The following ZNF804A variants were observed in gnomAD, a reference collection of about 807,000 sequenced individuals.
The protein encoded by ZNF804A is zinc finger protein 804A.
A neutral mutation model predicts 16.5 loss-of-function variants in ZNF804A; 2 were observed. That is an observed-to-expected ratio of 0.12 (90% CI 0.05 to 0.38). ZNF804A has a LOEUF of 0.38. ZNF804A is among the 10% of genes least tolerant of loss of function. ZNF804A has a pLI of 0.99. For synonymous variants in ZNF804A, 534 were observed against 489.6 expected, an observed-to-expected ratio of 1.09 and a Z score of -1.20; for missense variants, 1,473 against 1,390.7, an observed-to-expected ratio of 1.06 and a Z score of -0.94.
chr2:184,688,322 T>G (rs1692671745), intron 1 of ZNF804A, among the ~76,000 whole-genome samples: 1 of 148,038 alleles, frequency 6.8e-6, no homozygotes, highest in South Asian at 2.1e-4. Context: ...AGAAATCTTT[T>G]TCTTTCTCTC....
chr2:184,937,105 A>G lies in ZNF804A; in HGVS notation c.1709A>G (p.Gln570Arg). ...KYNFTKSQIK[Q>R]DTLDEKYNKI... ...AATTTTACTAAAAGTCAAATAAAAC[A>G]GGACACTCTAGATGAAAAATACAAC... The change falls in exon 4 of 4, where the codon CAG becomes CGG. Residue 570 changes from glutamine (Q) to arginine (R), a missense_variant. Gln to Arg is a conservative substitution (Grantham distance 43). Coordinates refer to ENST00000302277, the MANE Select transcript of ZNF804A (RefSeq NM_194250.2). 5 of 1,605,260 alleles carry G rather than the reference A, an allele frequency of 3.1e-6. No homozygotes were observed. The highest frequency in any genetic ancestry group is 4.2e-6 in the Non-Finnish European group (5 of 1,177,756).
At chr2:184,679,529 G>A (rs1012955952) in intron 1 of ZNF804A, among the ~76,000 whole-genome samples, 28 of 152,270 alleles carry the variant, frequency 1.8e-4, no homozygotes, top group African/African-American at 6.7e-4. Flanking sequence ...TGCACTCCCG[G>A]GGGCTCAGGA....
chr2:184,694,627 G>A (rs1165990774), intron 1 of ZNF804A, among the ~76,000 whole-genome samples: 1 of 152,086 alleles, frequency 6.6e-6, no homozygotes, highest in Non-Finnish European at 1.5e-5. Flanking sequence ...AAAACTTCAA[G>A]AACATAAAAT....
chr2:184,866,406 T>C lies in ZNF804A; in HGVS notation c.149T>C (p.Leu50Pro). Residue 50 changes from leucine to proline, a missense_variant, in exon 2 of 4, where the codon CTG becomes CCG. Physicochemically the swap from Leu to Pro is moderately conservative, Grantham distance 98. Coordinates refer to ENST00000302277, the MANE Select transcript of ZNF804A (RefSeq NM_194250.2). ...AEKENTIAKA[L>P]EDLKANFYCE... ...AAGGAAAATACCATAGCAAAAGCTC[T>C]GGAAGATCTGAAGGCAAATTTTTAC... is the stretch of plus-strand genomic sequence containing the variant. 9 of 1,613,300 alleles carry C rather than the reference T, an allele frequency of 5.6e-6. No individual in the cohort carries two copies. The highest frequency in any genetic ancestry group is 5.9e-6 in the Non-Finnish European group (7 of 1,179,564).
At chr2:184,831,056 G>A (rs999071164) in intron 1 of ZNF804A, among the ~76,000 whole-genome samples, 6 of 151,950 alleles carry the variant, frequency 3.9e-5, no homozygotes, top group African/African-American at 1.4e-4. Flanking sequence ...GAAAACACTG[G>A]TATATTTCAT....
At chr2:184,703,228 C>T (rs999344241) in intron 1 of ZNF804A, among the ~76,000 whole-genome samples, 3 of 152,090 alleles carry the variant, frequency 2.0e-5, no homozygotes, top group Admixed American at 6.6e-5. Flanking sequence ...GAATCACAAT[C>T]ACTGTTGCTA....
At chr2:184,772,617 G>T (rs1237812070) in intron 1 of ZNF804A, among the ~76,000 whole-genome samples, 1 of 151,578 alleles carries the variant, frequency 6.6e-6, no homozygotes, top group African/African-American at 2.4e-5. Flanking sequence ...TATACATTTT[G>T]AATCTTTTGA....
chr2:184,690,730 G>A (rs573932330), intron 1 of ZNF804A, among the ~76,000 whole-genome samples: 10 of 152,098 alleles, frequency 6.6e-5, no homozygotes, highest in African/African-American at 1.4e-4. Flanking sequence ...CGCATTGATC[G>A]TAATGTTTTC....
chr2:184,722,792 T>C (rs959579959), intron 1 of ZNF804A, among the ~76,000 whole-genome samples: 1 of 152,016 alleles, frequency 6.6e-6, no homozygotes, highest in Non-Finnish European at 1.5e-5. Flanking sequence ...AAATGCATTA[T>C]TCAAAATAAT....
intron 1 of ZNF804A, among the ~76,000 whole-genome samples, chr2:184,716,131 A>T (rs542505037): frequency 6.6e-6 from 1 of 152,286 alleles, no homozygotes; most frequent in African/African-American, 2.4e-5. Flanking sequence ...TAATTTTAGT[A>T]AACAGAAATA....
At chr2:184,634,263 C>T (rs993877197) in intron 1 of ZNF804A, among the ~76,000 whole-genome samples, 19 of 152,070 alleles carry the variant, frequency 1.2e-4, no homozygotes, top group Admixed American at 1.2e-3. Flanking sequence ...ATCAACCATA[C>T]CCAAATTTGG....
chr2:184,634,020 A>G (rs987992417), intron 1 of ZNF804A, among the ~76,000 whole-genome samples: 28 of 152,300 alleles, frequency 1.8e-4, no homozygotes, highest in Admixed American at 5.2e-4. Flanking sequence ...GATGATTTCA[A>G]GCAAACTGAG....
chr2:184,921,851 T>A (rs1047251514), intron 2 of ZNF804A, among the ~76,000 whole-genome samples: 1 of 152,124 alleles, frequency 6.6e-6, no homozygotes, highest in Non-Finnish European at 1.5e-5. Context: ...CTCCCATAGA[T>A]AAGTGAGAAT....
chr2:184,698,860 C>G (rs1465672862), intron 1 of ZNF804A, among the ~76,000 whole-genome samples: 1 of 152,008 alleles, frequency 6.6e-6, no homozygotes, highest in East Asian at 1.9e-4. Flanking sequence ...TCTTAGAAGA[C>G]AAGAACTTTT....
At position 184,664,184 on chromosome 2, in the gene ZNF804A, A is replaced by T. The variant is rs1425823583; in HGVS notation, c.111+65114A>T. Among the ~76,000 whole-genome samples, 5 of 152,204 alleles carry T rather than the reference A, an allele frequency of 3.3e-5. No homozygotes were observed. The East Asian group carries it at 9.6e-4, about 29-fold the overall frequency. On this transcript the variant is annotated intron_variant, in intron 1 of 3. Coordinates refer to ENST00000302277, the MANE Select transcript of ZNF804A (RefSeq NM_194250.2). ...GAGTTAAATGACACTATTTGTATCA[A>T]TACCAGTATTTAGCTTTCAGAAATG...
At chr2:184,932,429 G>C (rs778882716) in intron 2 of ZNF804A, among the ~76,000 whole-genome samples, 8 of 152,196 alleles carry the variant, frequency 5.3e-5, no homozygotes, top group Non-Finnish European at 1.2e-4. Context: ...AGGCAGGAAA[G>C]AGAGCATGTG....
chr2:184,799,842 C>A (rs1694697710), intron 1 of ZNF804A, among the ~76,000 whole-genome samples: 1 of 152,132 alleles, frequency 6.6e-6, no homozygotes, highest in African/African-American at 2.4e-5. Context: ...CTGCAGTTAG[C>A]CAGCAATTGT....
chr2:184,938,735 A>C lies in ZNF804A; in HGVS notation c.3339A>C (p.Ala1113=), dbSNP rs143955610. 389 of 1,607,556 alleles carry C rather than the reference A, an allele frequency of 2.4e-4. No homozygotes were observed. Among genetic ancestry groups the C allele is most frequent in the Middle Eastern group, 6.6e-4 (4 of 6,048 alleles). ...AGCACGCTGCAGCTGCTGCAGCTGC[A>C]GCTGCAGCCGCAGCTGCAGGAACCT... ...LQQHAAAAAA[A]AAAAAAGTFK... Residue 1113 remains alanine (A), a synonymous_variant, in exon 4 of 4, where the codon GCA becomes GCC. Transcript: ENST00000302277.
At chr2:184,678,003 A>T (rs944065326) in intron 1 of ZNF804A, among the ~76,000 whole-genome samples, 1 of 152,040 alleles carries the variant, frequency 6.6e-6, no homozygotes, top group African/African-American at 2.4e-5. Flanking sequence ...TAACCTTTTA[A>T]CATCTTAGAA....
Sources: allele counts gnomAD v4.1 joint callset (sites outside exome capture counted in the v4.1 genomes callset), GRCh38; gene constraint gnomAD v4.1.1; transcripts MANE v1.5; gene names NCBI Gene and HGNC (gene_info 2026-07-23, HGNC 2026-07-21).